CEP170: variants seen among roughly 807,000 people sequenced by gnomAD.
The protein encoded by CEP170 is centrosomal protein 170, also known as centrosomal protein of 170 kDa.
A neutral mutation model predicts 151.9 loss-of-function variants in CEP170; 21 were observed. The observed-to-expected ratio is 0.14, with a 90% CI of 0.10 to 0.20. The LOEUF is 0.20. Among genes scored for constraint, CEP170 ranks in the 10% least tolerant of loss-of-function variants. CEP170 has a pLI of 1.00. For synonymous variants in CEP170, 356 were observed against 648.8 expected (o/e 0.55, Z 6.86); for missense variants, 964 against 1,892.9 (o/e 0.51, Z 9.11).
At chr1:243,233,775 C>T (rs548324854) in intron 1 of CEP170, among the ~76,000 whole-genome samples, 11 of 145,156 alleles carry the variant, frequency 7.6e-5, no homozygotes, top group Non-Finnish European at 4.5e-5. Flanking sequence ...TATTTTAAAA[C>T]GTTGTTCCTA....
chr1:243,146,647 G>A (rs1280716623), intron 14 of CEP170, among the ~76,000 whole-genome samples: 2 of 150,694 alleles, frequency 1.3e-5, no homozygotes, highest in African/African-American at 2.4e-5. Context: ...AGTGGTTCAA[G>A]GTTTACAAGG....
At position 243,183,448 on chromosome 1, in the gene CEP170, C is replaced by T. The variant is rs576198650; in HGVS notation, c.1566+2331G>A. ...TGATGCCTGTATCTACTCCTATCCTCCCAAAGTGCTTTTTCTGCCTTCCTT... is the reference window on the plus strand; with the variant it reads ...TGATGCCTGTATCTACTCCTATCCTTCCAAAGTGCTTTTTCTGCCTTCCTT... On this transcript the variant is annotated intron_variant, in intron 10 of 19. Coordinates refer to ENST00000366542, the MANE Select transcript of CEP170 (RefSeq NM_014812.3). Among the ~76,000 whole-genome samples the T allele has an allele frequency of 2.2e-4, 33 of 152,232 alleles. No individual in the cohort carries two copies. The East Asian group carries it at 6.0e-3, about 28-fold the overall frequency.
At chr1:243,203,087 C>A (rs1432637960) in intron 4 of CEP170, among the ~76,000 whole-genome samples, 1 of 152,118 alleles carries the variant, frequency 6.6e-6, no homozygotes, top group Non-Finnish European at 1.5e-5. Context: ...TTGTTTGGGT[C>A]ATTAATTCAT....
intron 1 of CEP170, among the ~76,000 whole-genome samples, chr1:243,242,971 T>C (rs1252239188): frequency 6.6e-6 from 1 of 152,214 alleles, no homozygotes; most frequent in Non-Finnish European, 1.5e-5. Context: ...AAGTGCTAGC[T>C]TTACAGGCAT....
In CEP170 at chr1:243,210,614, T is replaced by TA. The variant is rs1381439469; in HGVS notation, c.274+1271_274+1272insT. On this transcript the variant is annotated intron_variant, in intron 4 of 19. Transcript: ENST00000366542. ...TGTAATATTATTTTTCGTAATTTTT[T>TA]TTTTTTTTTTTTTTTTTTTGAGATG... 9.0e-5 allele frequency among the ~76,000 whole-genome samples: 11 copies of TA among 121,934 alleles called. No individual in the cohort carries two copies. In the East Asian group the frequency reaches 2.5e-3, roughly 28 times the overall value. 80.0% of individuals were successfully genotyped at this position (121,934 alleles called of 152,430 possible). A position where few individuals can be genotyped will look rare whatever the true frequency, so the allele number is the denominator to read the frequency against.
At chr1:243,144,130 A>G (rs1421748630) in intron 14 of CEP170, among the ~76,000 whole-genome samples, 3 of 152,222 alleles carry the variant, frequency 2.0e-5, no homozygotes, top group Non-Finnish European at 2.9e-5. Flanking sequence ...GACTACAGCA[A>G]TGAAGAAGCA....
In CEP170 at chr1:243,186,196, C is replaced by A. The variant is rs752715173; in HGVS notation, c.1272+63G>T. On this transcript the variant is annotated intron_variant, in intron 9 of 19. Transcript: ENST00000366542. ...TTCCCGCACTTTGAGTAAAAGAATA[C>A]GACCTTCTTTTTCTGGGATTGTCTT... 1.6e-5 allele frequency: 25 copies of A among 1,612,448 alleles called. No homozygotes were observed. In the East Asian group the frequency reaches 5.6e-4, roughly 36 times the overall value.
chr1:243,204,157 T>TA (rs1319449639), intron 4 of CEP170, among the ~76,000 whole-genome samples: 1 of 152,188 alleles, frequency 6.6e-6, no homozygotes, highest in Non-Finnish European at 1.5e-5. Context: ...AAAATATTAA[T>TA]ATGCTCATGT....
At chr1:243,167,270 A>T (rs577947352) in intron 12 of CEP170, among the ~76,000 whole-genome samples, 6 of 152,160 alleles carry the variant, frequency 3.9e-5, no homozygotes, top group African/African-American at 7.2e-5. Flanking sequence ...ACAACATTTT[A>T]AAAAAATCTA....
rs578228204 is a variant in CEP170, at chr1:243,148,793, C to A, written c.3912-6330G>T. 1.9e-3 allele frequency among the ~76,000 whole-genome samples: 292 copies of A among 152,176 alleles called. 1 individual carries two copies. The highest frequency in any genetic ancestry group is 0.017 in the Middle Eastern group (5 of 292). On this transcript the variant is annotated intron_variant, in intron 14 of 19. Coordinates refer to ENST00000366542, the MANE Select transcript of CEP170 (RefSeq NM_014812.3). ...ATGATAAGGAAAGATCTTTCTCTTCCATCAGTGGAAACTGTCAGTTAATTT... is the reference window on the plus strand; with the variant it reads ...ATGATAAGGAAAGATCTTTCTCTTCAATCAGTGGAAACTGTCAGTTAATTT...
intron 14 of CEP170, among the ~76,000 whole-genome samples, chr1:243,149,837 G>A (rs2056892001): frequency 6.6e-6 from 1 of 151,798 alleles, no homozygotes; most frequent in Non-Finnish European, 1.5e-5. Context: ...AATTAAATTG[G>A]TTCCTACCAA....
chr1:243,239,127 C>T (rs145289844), intron 1 of CEP170, among the ~76,000 whole-genome samples: 21 of 152,308 alleles, frequency 1.4e-4, no homozygotes, highest in African/African-American at 3.6e-4. Flanking sequence ...CCTCTGCTTA[C>T]GAGTCATTTC....
At chr1:243,169,830 G>C (rs1235405321) in intron 11 of CEP170, 76 bp from the exon 12 acceptor site, 1 of 1,550,888 alleles carries the variant, frequency 6.4e-7, no homozygotes, top group Non-Finnish European at 8.7e-7. Flanking sequence ...ATTTCATTTA[G>C]TCACATTAAC....
At chr1:243,215,268 C>T (rs1487934607) in intron 3 of CEP170, among the ~76,000 whole-genome samples, 4 of 151,954 alleles carry the variant, frequency 2.6e-5, no homozygotes, top group Non-Finnish European at 4.4e-5. Flanking sequence ...AATCTGGGCA[C>T]CTTGAAAAAA....
chr1:243,201,919 T>C (rs1572240621), intron 4 of CEP170, among the ~76,000 whole-genome samples: 3 of 152,294 alleles, frequency 2.0e-5, no homozygotes, highest in African/African-American at 7.2e-5. Flanking sequence ...CTTTGAAATA[T>C]TAAAATTTTC....
At chr1:243,198,966 G>A (rs1489334049) in intron 7 of CEP170, 94 bp downstream of exon 7, 7 of 839,934 alleles carry the variant, frequency 8.3e-6, no homozygotes, top group Non-Finnish European at 1.3e-5. Flanking sequence ...TAGAATACTA[G>A]ATCATCTCTT....
chr1:243,159,328 A>AGCTGAG (rs1166206849), intron 13 of CEP170, among the ~76,000 whole-genome samples: 1 of 152,096 alleles, frequency 6.6e-6, no homozygotes, highest in African/African-American at 2.4e-5. Flanking sequence ...CAAAGAGCAG[A>AGCTGAG]GCTGAGACTG....
At chr1:243,235,680 TAAAAA>T (rs754978054) in intron 1 of CEP170, among the ~76,000 whole-genome samples, 3 of 136,010 alleles carry the variant, frequency 2.2e-5, no homozygotes, top group African/African-American at 8.1e-5. Context: ...GCATTAAAAC[TAAAAA>T]AAAAAAAAAA....
intron 4 of CEP170, among the ~76,000 whole-genome samples, chr1:243,206,297 C>G (rs2061417075): frequency 6.6e-6 from 1 of 152,156 alleles, no homozygotes; most frequent in Non-Finnish European, 1.5e-5. Context: ...CCACGCCCAG[C>G]TAATTTTTGT....
Sources: allele counts gnomAD v4.1 joint callset (sites outside exome capture counted in the v4.1 genomes callset), GRCh38; gene constraint gnomAD v4.1.1; transcripts MANE v1.5; gene names NCBI Gene and HGNC (gene_info 2026-07-23, HGNC 2026-07-21).